GGA1: variants seen among roughly 807,000 people sequenced by gnomAD.
The protein encoded by GGA1 is golgi associated, gamma adaptin ear containing, ARF binding protein 1.
A neutral mutation model predicts 76.9 loss-of-function variants in GGA1; 18 were observed. The observed-to-expected ratio is 0.23, with a 90% CI of 0.16 to 0.35. The LOEUF (loss-of-function observed/expected upper bound fraction) is 0.35. GGA1 is among the 10% of genes least tolerant of loss of function. The probability of loss-of-function intolerance (pLI) is 1.00; values close to 1 mark genes in which losing one functional copy is unlikely to be tolerated. For missense variants in GGA1, 755 were observed against 859.0 expected (o/e 0.88, Z 1.51); for synonymous variants, 342 against 354.7 (o/e 0.96, Z 0.40).
intron 2 of GGA1, among the ~76,000 whole-genome samples, chr22:37,615,053 C>T (rs562950298): frequency 6.6e-6 from 1 of 152,322 alleles, no homozygotes; most frequent in East Asian, 1.9e-4. Flanking sequence ...TGGTGCACAC[C>T]TGTAATCTCA....
At chr22:37,628,255 C>T (rs1931200718) in intron 11 of GGA1, among the ~76,000 whole-genome samples, 1 of 152,048 alleles carries the variant, frequency 6.6e-6, no homozygotes, top group African/African-American at 2.4e-5. Flanking sequence ...ATTTTTTTTC[C>T]TTTTATTCTT....
chr22:37,630,386 A>G (rs1931589943), intron 13 of GGA1: 1 of 528,310 alleles, frequency 1.9e-6, no homozygotes, highest in Non-Finnish European at 3.2e-6. Flanking sequence ...AGGTGTTCCC[A>G]GCTCCCTTGA....
chr22:37,614,913 A>G (rs1928458256), intron 2 of GGA1, among the ~76,000 whole-genome samples: 2 of 151,958 alleles, frequency 1.3e-5, no homozygotes. Context: ...CAAGAGACAG[A>G]GATTGTAATG....
chr22:37,617,143 C>T, intron 3 of GGA1, 146 bp downstream of exon 3: 1 of 1,492,088 alleles, frequency 6.7e-7, no homozygotes, highest in Non-Finnish European at 8.9e-7. Flanking sequence ...CGGGCCTGCC[C>T]CAAGGGTCCC....
chr22:37,614,162 C>T, intron 1 of GGA1, 28 bp from the exon 2 acceptor site: 2 of 1,526,042 alleles, frequency 1.3e-6, no homozygotes, highest in Non-Finnish European at 1.8e-6. Context: ...ACTGCCGGGC[C>T]ACAATGACCC....
At chr22:37,617,540 A>G (rs867902271) in intron 3 of GGA1, 1 of 988,600 alleles carries the variant, frequency 1.0e-6, no homozygotes, top group Non-Finnish European at 1.2e-6. Flanking sequence ...CTCTTTTAAT[A>G]CTTACGTGTT....
chr22:37,612,246 C>T (rs568455472), intron 1 of GGA1, among the ~76,000 whole-genome samples: 22 of 151,088 alleles, frequency 1.5e-4, no homozygotes, highest in East Asian at 1.4e-3. Context: ...AGGTGGATCA[C>T]GAGGTTAGGA....
At chr22:37,622,405 CAT>C (rs988847564) in intron 7 of GGA1, among the ~76,000 whole-genome samples, 1 of 150,564 alleles carries the variant, frequency 6.6e-6, no homozygotes, top group Non-Finnish European at 1.5e-5. Flanking sequence ...AGTAAATATA[CAT>C]ATGTTGCCTG....
intron 7 of GGA1, among the ~76,000 whole-genome samples, chr22:37,622,189 C>T (rs550455272): frequency 6.6e-6 from 1 of 151,886 alleles, no homozygotes; most frequent in South Asian, 2.1e-4. Context: ...AGCAGTCCTC[C>T]CACCTCAACC....
intron 5 of GGA1, 39 bp downstream of exon 5, chr22:37,620,400 CT>C: frequency 6.2e-7 from 1 of 1,610,472 alleles, no homozygotes. Flanking sequence ...CAGGGCCTGC[CT>C]TCCCCTCCCC....
At chr22:37,613,087 G>C in intron 1 of GGA1, 1 of 985,350 alleles carries the variant, frequency 1.0e-6, no homozygotes, top group Non-Finnish European at 1.2e-6. Context: ...GGACACAAAA[G>C]AGAACTGACC....
In GGA1 at chr22:37,629,505, TACCGGATGGA is replaced by T; in HGVS notation, c.1140_1149del (p.Gly381AlafsTer40). On this transcript the variant is annotated frameshift_variant, in exon 12 of 17. Transcript: ENST00000343632. LOFTEE classifies it high-confidence loss of function. ...CCCCTTCAGGCCCAAGCCTGGATGG[TACCGGATGGA>T]ACAGCTTCCAGGTAGGAGGGGACCA... 1 of 1,584,120 alleles carries T rather than the reference TACCGGATGGA, an allele frequency of 6.3e-7. No homozygotes were observed.
intron 5 of GGA1, 120 bp from the exon 6 acceptor site, chr22:37,620,693 G>C: frequency 1.4e-6 from 1 of 733,002 alleles, no homozygotes; most frequent in Non-Finnish European, 2.5e-6. Flanking sequence ...CAGAGCCAGC[G>C]TGCTGGCAAA....
intron 1 of GGA1, chr22:37,609,404 A>C: frequency 1.1e-6 from 1 of 892,458 alleles, no homozygotes; most frequent in Non-Finnish European, 1.4e-6. Flanking sequence ...GGGAGGACCC[A>C]CTGCCCCATT....
rs549666721 is a variant in GGA1 at position 37,612,964 on chromosome 22, G to C, written c.44-1226G>C. On this transcript the variant is annotated intron_variant, in intron 1 of 16. Transcript: ENST00000343632. ...TTGCCACTATCCATTTCTGGATTCAGTCTTCCCCAGAACCTCACCCTTTGC... is the reference window on the plus strand; with the variant it reads ...TTGCCACTATCCATTTCTGGATTCACTCTTCCCCAGAACCTCACCCTTTGC... 1.4e-4 allele frequency: 137 copies of C among 985,190 alleles called. No homozygotes were observed. The African/African-American group carries it at 2.2e-3, about 16-fold the overall frequency. The allele number at this position is 985,190 out of a possible 1,614,324, so 61.0% of individuals were successfully genotyped here.
At position 37,632,074 on chromosome 22, in the gene GGA1, G is replaced by A; in HGVS notation, c.1607G>A (p.Gly536Glu). 6.2e-7 allele frequency: 1 copy of A among 1,613,786 alleles called. No individual in the cohort carries two copies. Among genetic ancestry groups the A allele is most frequent in the Non-Finnish European group, 8.5e-7 (1 of 1,179,962 alleles). The stretch of plus-strand genomic sequence containing the variant: ...CATTTTGCCCGGGACCCACTGCCAG[G>A]GCGCTCCGACGTGCTGGTGGTGGTG... The part of the protein sequence containing the change: ...LFHFARDPLP[G>E]RSDVLVVVVS... The change falls in exon 15 of 17, where the codon GGG (glycine) becomes GAG (glutamate). Residue 536 changes from glycine (G) to glutamate (E), a missense_variant. Transcript: ENST00000343632. This position sits in a 1 kb window ranked among gnomAD's most constrained non-coding sequence, Gnocchi z 5.1.
Position 37,614,178 on chromosome 22 carries a change from C to T in GGA1, c.44-12C>T. The T allele has an allele frequency of 6.2e-7, 1 of 1,600,856 alleles. No individual in the cohort carries two copies. Reference sequence around the variant, plus strand: ...CTGCCGGGCCACAATGACCCCAGCTCTCCTCTTCCAGATAGAGCCACGAAC... The same window carrying T: ...CTGCCGGGCCACAATGACCCCAGCTTTCCTCTTCCAGATAGAGCCACGAAC... On this transcript the variant is annotated splice_polypyrimidine_tract_variant and intron_variant, in intron 1 of 16. Transcript: ENST00000343632.
In GGA1 at chr22:37,621,712, A is replaced by G; in HGVS notation, c.609+16A>G. The G allele has an allele frequency of 6.5e-7, 1 of 1,537,820 alleles. No homozygotes were observed. The highest frequency in any genetic ancestry group is 1.4e-5 in the African/African-American group (1 of 73,138). Reference sequence around the variant, plus strand: ...GGTGCAGGAGGTAGCGGCCGAGCCCAGAGCACAGGGAGGAGGCGGGATGGG... The same window carrying G: ...GGTGCAGGAGGTAGCGGCCGAGCCCGGAGCACAGGGAGGAGGCGGGATGGG... On this transcript the variant is annotated intron_variant, in intron 7 of 16. Coordinates refer to ENST00000343632, the MANE Select transcript of GGA1 (RefSeq NM_013365.5).
At chr22:37,612,696 C>G (rs1489672743) in intron 1 of GGA1, 1 of 153,244 alleles carries the variant, frequency 6.5e-6, no homozygotes, top group African/African-American at 2.4e-5. Context: ...ATGGCATGAA[C>G]CTGGGAGGCG....
Sources: gnomAD v4.1 joint callset for allele counts (sites outside exome capture counted in the v4.1 genomes callset) on GRCh38, gnomAD v4.1.1 for gene constraint, Gnocchi (gnomAD v3.1) non-coding constraint, MANE v1.5 for transcripts, NCBI Gene and HGNC (gene_info 2026-07-23, HGNC 2026-07-21) for gene names.